The following NVL variants were observed in gnomAD, a reference collection of about 807,000 sequenced individuals.
The protein encoded by NVL is nuclear VCP like.
NVL carries 84 observed loss-of-function variants against 110.2 expected under a neutral mutation model. The observed-to-expected ratio is 0.76, with a 90% CI of 0.64 to 0.91. The LOEUF is 0.91. NVL is among the 40% of genes least tolerant of loss of function. NVL has a pLI of 0.00. For missense variants in NVL, 882 were observed against 1,035.9 expected (o/e 0.85, Z 2.04); for synonymous variants, 354 against 361.1 (o/e 0.98, Z 0.22).
At chr1:224,286,162 AC>A (rs752964442) in intron 14 of NVL, 32 bp from the exon 15 acceptor site, 71 of 1,506,060 alleles carry the variant, frequency 4.7e-5, no homozygotes, top group Non-Finnish European at 6.5e-5. Context: ...GCGATCCATT[AC>A]ATGTCCATTT....
In NVL at chr1:224,281,104, T is replaced by C. The variant is rs1440831882; in HGVS notation, c.1962+19A>G. On this transcript the variant is annotated intron_variant, in intron 16 of 22. Coordinates refer to ENST00000281701, the MANE Select transcript of NVL (RefSeq NM_002533.4). The stretch of plus-strand genomic sequence containing the variant: ...TACTTTTTCTAATCTAAAATAATGG[T>C]TCTTGCTCAATAACTTACCATGTTT... The C allele has an allele frequency of 2.5e-6, 4 of 1,605,292 alleles. No homozygotes were observed. The highest frequency in any genetic ancestry group is 2.2e-5 in the East Asian group (1 of 44,860).
intron 18 of NVL, among the ~76,000 whole-genome samples, chr1:224,261,631 A>ATG (rs1042320093): frequency 6.6e-6 from 1 of 152,070 alleles, no homozygotes; most frequent in Admixed American, 6.5e-5. Context: ...CCAGAAGAAG[A>ATG]TGTGGACTTT....
intron 18 of NVL, among the ~76,000 whole-genome samples, chr1:224,254,938 C>T (rs1663016764): frequency 1.3e-5 from 2 of 148,206 alleles, no homozygotes; most frequent in Non-Finnish European, 3.0e-5. Flanking sequence ...AGTGGCATGA[C>T]CTTGGCTCAC....
At chr1:224,250,504 A>G (rs1662348468) in intron 18 of NVL, among the ~76,000 whole-genome samples, 186 bp from the exon 19 acceptor site, 1 of 152,092 alleles carries the variant, frequency 6.6e-6, no homozygotes. Context: ...AGCTAAGACT[A>G]TAGATGCATG....
chr1:224,305,116 C>T lies in NVL; in HGVS notation c.666G>A (p.Lys222=). ...LLESDMKRKG[K]LKNKGSKRKK... ...TCCTTTTGCTTCCTTTATTCTTTAG[C>T]TTGCCTTTCCGTTTCATATCACTCT... The change falls in exon 7 of 23, where the codon AAG becomes AAA. Residue 222 remains lysine, a synonymous_variant. Transcript: ENST00000281701. 1 of 1,613,664 alleles carries T rather than the reference C, an allele frequency of 6.2e-7. No homozygotes were observed. The highest frequency in any genetic ancestry group is 8.5e-7 in the Non-Finnish European group (1 of 1,179,884).
At chr1:224,329,998 C>T (rs906738538) in intron 1 of NVL, 73 bp downstream of exon 1, 5 of 1,460,264 alleles carry the variant, frequency 3.4e-6, no homozygotes, top group Non-Finnish European at 4.8e-6. Context: ...GGATGCCACC[C>T]GACAAAAGGG....
intron 17 of NVL, among the ~76,000 whole-genome samples, chr1:224,271,928 C>T (rs559710487): frequency 3.1e-4 from 47 of 151,946 alleles, no homozygotes; most frequent in African/African-American, 1.0e-3. Flanking sequence ...GCAGGAGAAT[C>T]GCATGAACCC....
intron 19 of NVL, among the ~76,000 whole-genome samples, chr1:224,248,626 A>C (rs1364851287): frequency 6.6e-6 from 1 of 152,236 alleles, no homozygotes; most frequent in East Asian, 1.9e-4. Flanking sequence ...CAACCAAAGA[A>C]AGGGGTAAAC....
chr1:224,315,487 C>T (rs977750858), intron 4 of NVL, among the ~76,000 whole-genome samples: 2 of 152,158 alleles, frequency 1.3e-5, no homozygotes, highest in African/African-American at 4.8e-5. Flanking sequence ...TATTAGGAAA[C>T]TTCCTCAATC....
At chr1:224,298,386 A>AGAGAATCAATGTGTGC (rs1162792421) in intron 10 of NVL, 4 of 183,686 alleles carry the variant, frequency 2.2e-5, no homozygotes, top group African/African-American at 9.6e-5. Context: ...ATTCTTGCCA[A>AGAGAATCAATGTGTGC]GAGAATCAAT....
In NVL at chr1:224,287,968, A is replaced by T. The variant is rs202007160; in HGVS notation, c.1601T>A (p.Leu534Ter). ...TGAGAGGGGATCTTGGTCTCTTAGC[A>T]ACCCCAGCAGCCTTTGTAATTCATC... ...TQDELQRLLG[L>*]LRDQDPLSEE... is the part of the protein sequence containing the mutation. The change falls in exon 14 of 23, where the codon TTG (leucine) becomes TAG (stop). Residue 534 changes from leucine to a stop codon, truncating the protein, a stop_gained. Coordinates refer to ENST00000281701, the MANE Select transcript of NVL (RefSeq NM_002533.4). LOFTEE classifies it high-confidence loss of function. 15 of 1,613,262 alleles carry T rather than the reference A, an allele frequency of 9.3e-6. No individual in the cohort carries two copies. Among genetic ancestry groups the T allele is most frequent in the Admixed American group, 1.7e-5 (1 of 60,002 alleles).
intron 2 of NVL, among the ~76,000 whole-genome samples, chr1:224,325,434 T>TA (rs765287623): frequency 1.7e-3 from 232 of 134,264 alleles, no homozygotes; most frequent in African/African-American, 2.2e-3. Context: ...AAACTGTATT[T>TA]AAAAAAAAAA....
At chr1:224,256,713 T>C (rs1316093783) in intron 18 of NVL, among the ~76,000 whole-genome samples, 2 of 152,212 alleles carry the variant, frequency 1.3e-5, no homozygotes, top group Non-Finnish European at 2.9e-5. Context: ...CAAGATTCTA[T>C]GTATTACATC....
chr1:224,326,421 A>T lies in NVL; in HGVS notation c.101T>A (p.Val34Asp), dbSNP rs201633430. 7 of 1,612,618 alleles carry T rather than the reference A, an allele frequency of 4.3e-6. No individual in the cohort carries two copies. The highest frequency in any genetic ancestry group is 5.9e-6 in the Non-Finnish European group (7 of 1,179,126). Residue 34 changes from valine (V) to aspartate (D), a missense_variant, in exon 2 of 23, where the codon GTC becomes GAC. By Grantham distance (152) the Val-to-Asp change is radical. Around this residue, in one of 4 missense-constraint regions of NVL, gnomAD observed 274 missense variants for 268.4 expected, o/e 1.02. Transcript: ENST00000281701. ...NKCGKYVDIG[V>D]LASDLQRVYS... ...CACTCTTTGTAAATCAGACGCTAAG[A>T]CTCCAATGTCCACATATTTGCCACA...
intron 18 of NVL, among the ~76,000 whole-genome samples, chr1:224,256,305 A>G (rs1663219466): frequency 1.3e-5 from 2 of 151,984 alleles, no homozygotes; most frequent in Admixed American, 1.3e-4. Context: ...CATGCCTGCA[A>G]TCCCAGCTAC....
At chr1:224,258,539 T>C (rs994971054) in intron 18 of NVL, among the ~76,000 whole-genome samples, 1 of 152,124 alleles carries the variant, frequency 6.6e-6, no homozygotes, top group Non-Finnish European at 1.5e-5. Flanking sequence ...GCAATTCCAC[T>C]CCTAGGTATA....
Position 224,288,009 on chromosome 1 carries a change from A to G in NVL, c.1576-16T>C. 2 of 1,586,740 alleles carry G rather than the reference A, an allele frequency of 1.3e-6. No individual in the cohort carries two copies. The highest frequency in any genetic ancestry group is 1.7e-6 in the Non-Finnish European group (2 of 1,158,558). On this transcript the variant is annotated splice_polypyrimidine_tract_variant and intron_variant, in intron 13 of 22. Transcript: ENST00000281701. ...GTAATTCATCCTTGAAGGGAACAAT[A>G]GAGGGGAAAAAAATAAAGAAACACC...
chr1:224,252,014 A>G (rs2102763577), intron 18 of NVL, among the ~76,000 whole-genome samples: 1 of 152,332 alleles, frequency 6.6e-6, no homozygotes, highest in African/African-American at 2.4e-5. Context: ...TCACTATGGC[A>G]GGAAATCCCT....
chr1:224,270,766 G>A (rs1296654329), intron 17 of NVL, among the ~76,000 whole-genome samples: 1 of 152,122 alleles, frequency 6.6e-6, no homozygotes, highest in Non-Finnish European at 1.5e-5. Flanking sequence ...AATCACTGGA[G>A]ATAGTCAACC....
Sources: gnomAD v4.1 joint callset for allele counts (sites outside exome capture counted in the v4.1 genomes callset) on GRCh38, gnomAD v4.1.1 for gene constraint, gnomAD v4.1.1 regional missense constraint, MANE v1.5 for transcripts, NCBI Gene and HGNC (gene_info 2026-07-23, HGNC 2026-07-21) for gene names.